The following ERI1 variants were observed in gnomAD, a reference collection of about 807,000 sequenced individuals.
ERI1 encodes exoribonuclease 1.
In ERI1, 39 loss-of-function variants were observed where a neutral mutation model predicts 39.7. The ratio of observed to expected loss-of-function variants is 0.98; its 90% CI spans 0.76 to 1.28. ERI1 has a LOEUF of 1.28. ERI1 is among the 50% of genes most tolerant of loss of function. ERI1 has a pLI of 0.00. For missense variants in ERI1, 581 were observed against 416.9 expected, an observed-to-expected ratio of 1.39 and a Z score of -3.43; for synonymous variants, 204 against 149.6, an observed-to-expected ratio of 1.36 and a Z score of -2.65.
chr8:9,082,878 G>C (rs1333325081), intron 3 of ERI1, among the ~76,000 whole-genome samples: 2 of 152,194 alleles, frequency 1.3e-5, no homozygotes, highest in Non-Finnish European at 2.9e-5. Flanking sequence ...GAATGCATTG[G>C]AGAAAAGTGG....
intron 3 of ERI1, among the ~76,000 whole-genome samples, chr8:9,084,648 C>T (rs1799471096): frequency 6.6e-6 from 1 of 152,138 alleles, no homozygotes; most frequent in East Asian, 1.9e-4. Context: ...GTCAGCTCTG[C>T]AATGGCATTC....
intron 3 of ERI1, among the ~76,000 whole-genome samples, chr8:9,015,137 T>G (rs1379493966): frequency 1.3e-5 from 2 of 152,168 alleles, no homozygotes; most frequent in African/African-American, 4.8e-5. Flanking sequence ...ACATCTGGCC[T>G]CAGGTGTTCT....
chr8:9,090,997 A>C (rs1349142410), intron 3 of ERI1, among the ~76,000 whole-genome samples: 1 of 152,226 alleles, frequency 6.6e-6, no homozygotes, highest in Non-Finnish European at 1.5e-5. Flanking sequence ...TTAAGTTCAG[A>C]ATTCAGCAAG....
rs372557503 is a variant in ERI1 at position 9,047,969 on chromosome 8, T to C, written n.299+27505T>C. Among the ~76,000 whole-genome samples the C allele has an allele frequency of 2.7e-4, 41 of 152,320 alleles. No individual in the cohort carries two copies. In the East Asian group the frequency reaches 3.1e-3, roughly 11 times the overall value. On this transcript the variant is annotated intron_variant and non_coding_transcript_variant, in intron 3 of 3. Coordinates refer to the ERI1 transcript ENST00000518663. ...GAGGGAGATTCTGTTATTATGTCCATAGCACAGCTGAGGAAATGAAAGTCA... is the reference window on the plus strand; with the variant it reads ...GAGGGAGATTCTGTTATTATGTCCACAGCACAGCTGAGGAAATGAAAGTCA...
intron 3 of ERI1, among the ~76,000 whole-genome samples, chr8:9,059,029 G>C (rs1220356297): frequency 1.3e-5 from 2 of 152,032 alleles, no homozygotes; most frequent in African/African-American, 2.4e-5. Flanking sequence ...AGGGAGATAG[G>C]GGTGGGGCCG....
At chr8:9,028,431 A>G (rs953084434) in intron 6 of ERI1, among the ~76,000 whole-genome samples, 2 of 152,174 alleles carry the variant, frequency 1.3e-5, no homozygotes, top group Non-Finnish European at 2.9e-5. Context: ...ATTACAGCTT[A>G]AGATAATTAT....
chr8:9,065,127 G>A (rs541084750), intron 3 of ERI1, among the ~76,000 whole-genome samples: 86 of 152,262 alleles, frequency 5.6e-4, no homozygotes, highest in Non-Finnish European at 1.0e-3. Context: ...GGCAGGAACC[G>A]GCCATCTGGA....
rs770485331 is a variant in ERI1, at chr8:9,020,333, C to T, written c.693-17C>T. The T allele has an allele frequency of 6.9e-7, 1 of 1,441,324 alleles. No individual in the cohort carries two copies. The highest frequency in any genetic ancestry group is 9.4e-7 in the Non-Finnish European group (1 of 1,064,134). 89.3% of individuals were successfully genotyped at this position (1,441,324 alleles called of 1,614,324 possible). A position where few individuals can be genotyped will look rare whatever the true frequency, so the allele number is the denominator to read the frequency against. ...AGCGTTTATTTCATCAATTTTTTGT[C>T]CTTTTTTAATTTATAGTTCTTGGGA... is the stretch of plus-strand genomic sequence containing the variant. On this transcript the variant is annotated splice_polypyrimidine_tract_variant and intron_variant, in intron 5 of 6. Coordinates refer to ENST00000250263, the MANE Select transcript of ERI1 (RefSeq NM_153332.4).
At chr8:9,053,820 T>C (rs925489119) in intron 3 of ERI1, among the ~76,000 whole-genome samples, 2 of 152,246 alleles carry the variant, frequency 1.3e-5, no homozygotes, top group African/African-American at 4.8e-5. Context: ...GAGGAACTGA[T>C]TGTAAGAATT....
chr8:9,052,004 A>C (rs1668956812), intron 3 of ERI1, among the ~76,000 whole-genome samples: 1 of 152,234 alleles, frequency 6.6e-6, no homozygotes, highest in Admixed American at 6.5e-5. Context: ...AAACGGGGGC[A>C]TGCCAGCCCA....
chr8:9,042,944 C>A (rs1011859079), intron 3 of ERI1, among the ~76,000 whole-genome samples: 4 of 152,166 alleles, frequency 2.6e-5, no homozygotes, highest in Non-Finnish European at 4.4e-5. Context: ...TGCCGTATGT[C>A]CCCCGGCACA....
At chr8:9,070,453 A>ACTC (rs1282573907) in intron 3 of ERI1, among the ~76,000 whole-genome samples, 1 of 152,124 alleles carries the variant, frequency 6.6e-6, no homozygotes, top group Non-Finnish European at 1.5e-5. Flanking sequence ...CCACCACTGA[A>ACTC]CTCCAGCCTG....
intron 3 of ERI1, among the ~76,000 whole-genome samples, chr8:9,094,045 C>G (rs760067986): frequency 8.5e-5 from 13 of 152,064 alleles, no homozygotes; most frequent in Non-Finnish European, 8.8e-5. Context: ...CTAGCTTCAA[C>G]TATTACTAAT....
At chr8:9,076,483 G>A (rs1454246479) in intron 3 of ERI1, among the ~76,000 whole-genome samples, 1 of 152,176 alleles carries the variant, frequency 6.6e-6, no homozygotes, top group Non-Finnish European at 1.5e-5. Flanking sequence ...CCATAGACAA[G>A]TGAGAACTCA....
At chr8:9,039,631 G>A (rs966054362) in intron 3 of ERI1, among the ~76,000 whole-genome samples, 1 of 152,192 alleles carries the variant, frequency 6.6e-6, no homozygotes, top group African/African-American at 2.4e-5. Flanking sequence ...CAATATAGGT[G>A]TGTACGTATA....
intron 3 of ERI1, among the ~76,000 whole-genome samples, chr8:9,046,585 A>G (rs1480486510): frequency 6.6e-6 from 1 of 152,256 alleles, no homozygotes; most frequent in African/African-American, 2.4e-5. Context: ...CCTAAAGAAC[A>G]ATGAAGGGAC....
At chr8:9,085,297 C>G (rs931780879) in intron 3 of ERI1, among the ~76,000 whole-genome samples, 11 of 152,148 alleles carry the variant, frequency 7.2e-5, no homozygotes, top group Non-Finnish European at 8.8e-5. Context: ...CAAACTCTGC[C>G]TCCTGGGTTC....
At chr8:9,083,630 C>T (rs1455889775) in intron 3 of ERI1, among the ~76,000 whole-genome samples, 1 of 123,096 alleles carries the variant, frequency 8.1e-6, no homozygotes, top group Non-Finnish European at 1.7e-5. Flanking sequence ...TTTGCATGGT[C>T]CATGTTAAAA....
At chr8:9,039,688 A>G (rs1797957440) in intron 3 of ERI1, among the ~76,000 whole-genome samples, 4 of 152,222 alleles carry the variant, frequency 2.6e-5, no homozygotes, top group African/African-American at 9.6e-5. Flanking sequence ...ATCAAATAAA[A>G]TTCTTTAGTG....
Sources: gnomAD v4.1 joint callset for allele counts (sites outside exome capture counted in the v4.1 genomes callset) on GRCh38, gnomAD v4.1.1 for gene constraint, MANE v1.5 for transcripts, NCBI Gene and HGNC (gene_info 2026-07-23, HGNC 2026-07-21) for gene names.